Variants in TEK observed in about 807,000 individuals in gnomAD.
TEK encodes the protein angiopoietin-1 receptor.
Under a neutral mutation model 131.8 loss-of-function variants are expected in TEK, and 43 were observed. That is an observed-to-expected ratio of 0.33 (90% CI 0.26 to 0.42). TEK has a LOEUF of 0.42. Among genes scored for constraint, TEK ranks in the 10% least tolerant of loss-of-function variants. The pLI is 1.00. For missense variants in TEK, 1,162 were observed against 1,384.4 expected (o/e 0.84, Z 2.55); for synonymous variants, 580 against 491.6 (o/e 1.18, Z -2.38).
At chr9:27,179,750 CT>C (rs141787342) in intron 6 of TEK, among the ~76,000 whole-genome samples, 18,368 of 152,122 alleles carry the variant, frequency 0.12, 1,320 homozygotes, top group Admixed American at 0.23. Flanking sequence ...TTCTCTGACT[CT>C]TTCTGGGTTT....
At chr9:27,209,403 T>A (rs535007760) in intron 16 of TEK, among the ~76,000 whole-genome samples, 172 bp downstream of exon 16, 2 of 152,298 alleles carry the variant, frequency 1.3e-5, no homozygotes, top group East Asian at 3.9e-4. Flanking sequence ...GTGGTTTGCC[T>A]TGTTTTTGGA....
intron 9 of TEK, among the ~76,000 whole-genome samples, chr9:27,189,464 C>T (rs1824725997): frequency 6.6e-6 from 1 of 152,142 alleles, no homozygotes; most frequent in Non-Finnish European, 1.5e-5. Context: ...CCTCCAAGAA[C>T]CAATTTTCAT....
intron 20 of TEK, 77 bp from the exon 21 acceptor site, chr9:27,219,972 T>TATA: frequency 6.8e-7 from 1 of 1,469,568 alleles, no homozygotes; most frequent in Non-Finnish European, 9.5e-7. Context: ...CCTGGCCCCT[T>TATA]ATATTTAGAA....
chr9:27,217,083 C>A (rs370335545), intron 18 of TEK, among the ~76,000 whole-genome samples: 1 of 152,142 alleles, frequency 6.6e-6, no homozygotes, highest in Admixed American at 6.5e-5. Flanking sequence ...GACCAGGCAT[C>A]GAAAGGATCA....
chr9:27,177,406 A>G (rs1020453359), intron 6 of TEK, among the ~76,000 whole-genome samples: 5 of 152,178 alleles, frequency 3.3e-5, no homozygotes, highest in African/African-American at 1.2e-4. Flanking sequence ...CCTGATGATC[A>G]GTGAGGTTGA....
chr9:27,199,381 T>C (rs749066223), intron 12 of TEK, among the ~76,000 whole-genome samples: 2 of 152,162 alleles, frequency 1.3e-5, no homozygotes, highest in African/African-American at 2.4e-5. Context: ...GTGAGAGTTT[T>C]TCTAGGAACA....
At chr9:27,225,266 G>C (rs1459733649) in intron 21 of TEK, among the ~76,000 whole-genome samples, 1 of 152,176 alleles carries the variant, frequency 6.6e-6, no homozygotes, top group African/African-American at 2.4e-5. Context: ...AACCAAAAAA[G>C]AGCCTGCATA....
chr9:27,167,860 T>TG (rs1823790226), intron 2 of TEK, among the ~76,000 whole-genome samples: 2 of 139,226 alleles, frequency 1.4e-5, no homozygotes, highest in Non-Finnish European at 3.2e-5. Context: ...ATTTCATTCA[T>TG]GTTTTTTTTT....
intron 1 of TEK, among the ~76,000 whole-genome samples, chr9:27,125,097 C>T (rs561954978): frequency 6.6e-6 from 1 of 152,344 alleles, no homozygotes; most frequent in South Asian, 2.1e-4. Flanking sequence ...CCACCCGCCT[C>T]GGCCCTGTGT....
At chr9:27,174,979 C>A (rs1022201911) in intron 6 of TEK, among the ~76,000 whole-genome samples, 5 of 145,762 alleles carry the variant, frequency 3.4e-5, no homozygotes, top group South Asian at 2.2e-4. Context: ...TTTTTTAATT[C>A]TTTTTATTAT....
intron 7 of TEK, among the ~76,000 whole-genome samples, chr9:27,180,590 G>A (rs952152168): frequency 1.3e-5 from 2 of 152,136 alleles, no homozygotes; most frequent in African/African-American, 2.4e-5. Flanking sequence ...CATAAACCAC[G>A]TGCTCTTTGT....
intron 8 of TEK, 134 bp downstream of exon 8, chr9:27,183,744 C>A: frequency 8.0e-7 from 1 of 1,249,050 alleles, no homozygotes; most frequent in Non-Finnish European, 1.2e-6. Context: ...GATAAAATGC[C>A]CTATTCCTGG....
At chr9:27,169,296 A>G (rs1393052672) in intron 3 of TEK, among the ~76,000 whole-genome samples, 181 bp from the exon 4 acceptor site, 2 of 152,164 alleles carry the variant, frequency 1.3e-5, no homozygotes, top group African/African-American at 2.4e-5. Flanking sequence ...TATCACTATG[A>G]CTTTCTTGAC....
chr9:27,211,886 T>A (rs1396777476), intron 16 of TEK, among the ~76,000 whole-genome samples: 1 of 152,082 alleles, frequency 6.6e-6, no homozygotes, highest in African/African-American at 2.4e-5. Context: ...AATGTCGATG[T>A]TTTTAGCAAG....
At chr9:27,222,838 T>C (rs533361764) in intron 21 of TEK, among the ~76,000 whole-genome samples, 25 of 151,980 alleles carry the variant, frequency 1.6e-4, no homozygotes, top group Non-Finnish European at 3.2e-4. Flanking sequence ...TGCAGCATAA[T>C]GACAGGATCA....
intron 11 of TEK, among the ~76,000 whole-genome samples, chr9:27,193,313 G>C (rs2145926): frequency 6.6e-6 from 1 of 152,012 alleles, no homozygotes; most frequent in Admixed American, 6.5e-5. Context: ...TCTGGGCCTC[G>C]TCCCCAGAGT....
chr9:27,228,199 T>G lies in TEK; in HGVS notation c.3201-7T>G, dbSNP rs1182019875. 1.9e-6 allele frequency: 3 copies of G among 1,610,548 alleles called. No homozygotes were observed. Among genetic ancestry groups the G allele is most frequent in the Non-Finnish European group, 2.5e-6 (3 of 1,177,184 alleles). ...AGAATTAACCCTTTAATTCTTTGCT[T>G]TCGAAGGTATGATCTAATGAGACAA... On this transcript the variant is annotated splice_region_variant and splice_polypyrimidine_tract_variant and intron_variant, in intron 21 of 22. Coordinates refer to ENST00000380036, the MANE Select transcript of TEK (RefSeq NM_000459.5).
chr9:27,204,693 GTT>G (rs369682417), intron 13 of TEK, among the ~76,000 whole-genome samples: 4 of 144,184 alleles, frequency 2.8e-5, no homozygotes, highest in African/African-American at 5.1e-5. Context: ...ACTTTTGCAT[GTT>G]TTTTTTTTTT....
chr9:27,120,660 T>G (rs956060516), intron 1 of TEK, among the ~76,000 whole-genome samples: 2 of 152,236 alleles, frequency 1.3e-5, no homozygotes, highest in African/African-American at 4.8e-5. Flanking sequence ...CATTCATCTA[T>G]TGCTATTCCC....
Sources: allele counts gnomAD v4.1 joint callset (sites outside exome capture counted in the v4.1 genomes callset), GRCh38; gene constraint gnomAD v4.1.1; transcripts MANE v1.5; gene names NCBI Gene and HGNC (gene_info 2026-07-23, HGNC 2026-07-21).